Variants in COL26A1 observed in about 807,000 individuals in gnomAD.
COL26A1 encodes collagen alpha-1(XXVI) chain.
In COL26A1, 41 loss-of-function variants were observed where a neutral mutation model predicts 59.3. The observed-to-expected ratio is 0.69, with a 90% CI of 0.54 to 0.90. The LOEUF (loss-of-function observed/expected upper bound fraction) is 0.90, where lower values mean the gene tolerates loss of function less well. Ranked by LOEUF, COL26A1 falls within the 40% of genes least tolerant of loss-of-function variation. The pLI, the probability that COL26A1 is intolerant of heterozygous loss-of-function variation, is 0.00. For missense variants in COL26A1, 612 were observed against 602.3 expected (o/e 1.02, Z -0.17); for synonymous variants, 266 against 256.0 (o/e 1.04, Z -0.37).
intron 3 of COL26A1, among the ~76,000 whole-genome samples, chr7:101,451,920 T>C (rs1221268476): frequency 6.6e-6 from 1 of 152,084 alleles, no homozygotes; most frequent in African/African-American, 2.4e-5. Context: ...TTGGCCAGGC[T>C]GGTCTCGAAC....
At position 101,363,326 on chromosome 7, in the gene COL26A1, G is replaced by C. The variant is rs1001250728; in HGVS notation, c.158+136G>C. 48 of 737,992 alleles carry C rather than the reference G, an allele frequency of 6.5e-5. No individual in the cohort carries two copies. In the African/African-American group the frequency reaches 9.2e-4, roughly 14 times the overall value. 45.7% of individuals were successfully genotyped at this position (737,992 alleles called of 1,614,324 possible). On this transcript the variant is annotated intron_variant, in intron 1 of 12. Coordinates refer to ENST00000313669, the MANE Select transcript of COL26A1 (RefSeq NM_001278563.3). The stretch of plus-strand genomic sequence containing the variant: ...CCGGGACTTGGGGGCGCAGGGCAGC[G>C]GGGACTGGGGGCTGCAGACACCGGG...
intron 3 of COL26A1, among the ~76,000 whole-genome samples, chr7:101,457,148 G>A (rs567188603): frequency 1.4e-4 from 22 of 152,202 alleles, no homozygotes; most frequent in African/African-American, 4.1e-4. Context: ...TGTGGAAAAC[G>A]GTCCTTGGGC....
chr7:101,378,300 G>T (rs1441338096), intron 1 of COL26A1, among the ~76,000 whole-genome samples: 1 of 152,150 alleles, frequency 6.6e-6, no homozygotes, highest in East Asian at 1.9e-4. Context: ...TCCATAGGCT[G>T]TGAGGCAGGG....
chr7:101,455,506 T>TTC (rs1181882590), intron 3 of COL26A1, among the ~76,000 whole-genome samples: 28 of 145,164 alleles, frequency 1.9e-4, no homozygotes, highest in African/African-American at 4.3e-4. Flanking sequence ...TTCTTTTCTT[T>TTC]TTTTTTTTTT....
At chr7:101,527,478 C>A in intron 3 of COL26A1, among the ~76,000 whole-genome samples, 1 of 151,194 alleles carries the variant, frequency 6.6e-6, no homozygotes, top group East Asian at 1.9e-4. Flanking sequence ...CAGGCACGCA[C>A]CACCACGTCC....
At chr7:101,544,887 G>A (rs1795697791) in intron 6 of COL26A1, among the ~76,000 whole-genome samples, 1 of 152,044 alleles carries the variant, frequency 6.6e-6, no homozygotes, top group Admixed American at 6.6e-5. Context: ...GGCTGTCAGG[G>A]GCCAGGAGCA....
intron 8 of COL26A1, 53 bp downstream of exon 8, chr7:101,547,292 G>C (rs1336239926): frequency 7.4e-7 from 1 of 1,350,936 alleles, no homozygotes; most frequent in African/African-American, 1.5e-5. Context: ...CCCAGGGCTG[G>C]CCTGAGCCAT....
At chr7:101,437,581 T>C (rs1285632385) in intron 2 of COL26A1, among the ~76,000 whole-genome samples, 2 of 151,848 alleles carry the variant, frequency 1.3e-5, no homozygotes, top group Non-Finnish European at 2.9e-5. Context: ...CCTAAGATTT[T>C]TTTTCTTTTA....
intron 1 of COL26A1, among the ~76,000 whole-genome samples, chr7:101,377,895 T>G (rs1212908233): frequency 1.3e-5 from 2 of 152,164 alleles, no homozygotes; most frequent in Admixed American, 6.5e-5. Context: ...CATCTATCCT[T>G]TTTTAAATTT....
chr7:101,397,537 C>T (rs553801410), intron 1 of COL26A1, among the ~76,000 whole-genome samples: 27 of 122,456 alleles, frequency 2.2e-4, no homozygotes, highest in African/African-American at 6.9e-4. Flanking sequence ...CTCCTCCCCC[C>T]CCCTCCTTTT....
chr7:101,411,119 C>T (rs373496207), intron 1 of COL26A1, among the ~76,000 whole-genome samples: 3 of 152,254 alleles, frequency 2.0e-5, no homozygotes, highest in East Asian at 3.9e-4. Context: ...CAGGTCCTGG[C>T]ACAGACCACA....
At chr7:101,377,047 T>C (rs1424073880) in intron 1 of COL26A1, among the ~76,000 whole-genome samples, 3 of 152,062 alleles carry the variant, frequency 2.0e-5, no homozygotes, top group African/African-American at 7.2e-5. Flanking sequence ...TTAGTAGAGA[T>C]AGAGTTTTAC....
intron 3 of COL26A1, among the ~76,000 whole-genome samples, chr7:101,463,660 A>ATCCTTCCT (rs1221338930): frequency 1.8e-5 from 1 of 55,006 alleles, no homozygotes; most frequent in East Asian, 5.3e-4. Context: ...CCATCCTTCC[A>ATCCTTCCT]TCCTTCCTTC....
intron 4 of COL26A1, among the ~76,000 whole-genome samples, chr7:101,535,953 C>A (rs1001424987): frequency 6.6e-6 from 1 of 152,084 alleles, no homozygotes; most frequent in Non-Finnish European, 1.5e-5. Context: ...ATCTTAGCTC[C>A]CCCGTCTTGT....
chr7:101,427,784 G>A (rs1045452972), intron 2 of COL26A1, among the ~76,000 whole-genome samples: 17 of 152,112 alleles, frequency 1.1e-4, no homozygotes, highest in Non-Finnish European at 2.1e-4. Flanking sequence ...TTACAGGTGC[G>A]AGCCATTGCA....
chr7:101,460,156 G>T (rs1342500671), intron 3 of COL26A1, among the ~76,000 whole-genome samples: 1 of 152,166 alleles, frequency 6.6e-6, no homozygotes, highest in Non-Finnish European at 1.5e-5. Context: ...GGCGCCGGAT[G>T]CTTGGATCAC....
At chr7:101,397,537 C>A (rs553801410) in intron 1 of COL26A1, among the ~76,000 whole-genome samples, 1 of 122,338 alleles carries the variant, frequency 8.2e-6, no homozygotes, top group Non-Finnish European at 1.8e-5. Flanking sequence ...CTCCTCCCCC[C>A]CCCTCCTTTT....
At chr7:101,541,378 T>C (rs1314065681) in intron 5 of COL26A1, among the ~76,000 whole-genome samples, 1 of 152,186 alleles carries the variant, frequency 6.6e-6, no homozygotes, top group East Asian at 1.9e-4. Flanking sequence ...AATGTATTGC[T>C]CTGTCACTGA....
At chr7:101,477,462 T>C (rs1375497908) in intron 3 of COL26A1, among the ~76,000 whole-genome samples, 1 of 152,204 alleles carries the variant, frequency 6.6e-6, no homozygotes, top group Non-Finnish European at 1.5e-5. Context: ...TGGTTGGATC[T>C]GCCTGAGAAA....
Sources: allele counts gnomAD v4.1 joint callset (sites outside exome capture counted in the v4.1 genomes callset), GRCh38; gene constraint gnomAD v4.1.1; transcripts MANE v1.5; gene names NCBI Gene and HGNC (gene_info 2026-07-23, HGNC 2026-07-21).